Variants in AKR1C2 observed in about 807,000 individuals in gnomAD.
AKR1C2 encodes aldo-keto reductase family 1 member C2.
AKR1C2 carries 27 observed loss-of-function variants against 39.8 expected under a neutral mutation model. The observed-to-expected ratio is 0.68, with a 90% CI of 0.50 to 0.93. The LOEUF (loss-of-function observed/expected upper bound fraction) is 0.93. AKR1C2 is among the 40% of genes least tolerant of loss of function. The probability of loss-of-function intolerance (pLI) is 0.00; values close to 1 mark genes in which losing one functional copy is unlikely to be tolerated. For synonymous variants in AKR1C2, 114 were observed against 137.9 expected, an observed-to-expected ratio of 0.83 and a Z score of 1.22; for missense variants, 263 against 365.1, an observed-to-expected ratio of 0.72 and a Z score of 2.28.
chr10:5,008,993 T>C (rs1314774491), upstream of AKR1C2, among the ~76,000 whole-genome samples: 1 of 152,120 alleles, frequency 6.6e-6, no homozygotes, highest in Non-Finnish European at 1.5e-5. Flanking sequence ...TGTGAGAGGC[T>C]GTGGAAGCTC....
chr10:4,995,598 C>T (rs1564328335), intron 6 of AKR1C2, 114 bp from the exon 7 acceptor site: 9 of 1,423,174 alleles, frequency 6.3e-6, no homozygotes, highest in South Asian at 1.4e-5. Flanking sequence ...GCGAGGCCCC[C>T]GAACAGCAGC....
chr10:5,008,672 A>G (rs1406679831), upstream of AKR1C2, among the ~76,000 whole-genome samples: 1 of 152,240 alleles, frequency 6.6e-6, no homozygotes, highest in Admixed American at 6.5e-5. Context: ...GGAAGATGGA[A>G]GATCAGGGAG....
rs571458560 is a variant in AKR1C2, at chr10:5,010,988, G to C, written c.-88+6912C>G. Among the ~76,000 whole-genome samples the C allele has an allele frequency of 5.4e-5, 8 of 147,542 alleles. No homozygotes were observed. In the Admixed American group the frequency reaches 5.5e-4, roughly 10 times the overall value. ...TAAGATTTCAAAAACACAAATGAGA[G>C]AATAGGAAGAGATGCATATGACTTA... On this transcript the variant is annotated intron_variant, in intron 1 of 6. Coordinates refer to the AKR1C2 transcript ENST00000604507.
chr10:5,014,196 G>A (rs60849543), intron 1 of AKR1C2, among the ~76,000 whole-genome samples: 123,148 of 147,238 alleles, frequency 0.84, 51,517 homozygotes, highest in African/African-American at 0.91. Context: ...TCAAAAACAT[G>A]TTTTAGTTTC....
At chr10:5,008,715 A>G (rs567155984), upstream of AKR1C2, among the ~76,000 whole-genome samples, 45 of 152,322 alleles carry the variant, frequency 3.0e-4, no homozygotes, top group African/African-American at 8.4e-4. Flanking sequence ...GTCATACATA[A>G]AGAACACTCA....
chr10:4,991,286 C>T (rs1487441658), intron 8 of AKR1C2, among the ~76,000 whole-genome samples: 1 of 151,532 alleles, frequency 6.6e-6, no homozygotes, highest in Non-Finnish European at 1.5e-5. Flanking sequence ...GTATTTGGCT[C>T]ATGGGCAAAC....
chr10:5,000,545 C>T lies in AKR1C2; in HGVS notation c.369+5G>A, dbSNP rs1240587651. 1 of 1,613,690 alleles carries T rather than the reference C, an allele frequency of 6.2e-7. No homozygotes were observed. Among genetic ancestry groups the T allele is most frequent in the Non-Finnish European group, 8.5e-7 (1 of 1,179,672 alleles). On this transcript the variant is annotated splice_donor_5th_base_variant and intron_variant, in intron 3 of 8. Transcript: ENST00000380753. Reference sequence around the variant, plus strand: ...GAAATTAATTTGATCACACAAGCTGCCTACCTTTACAGACACTGGAAAATG... The same window carrying T: ...GAAATTAATTTGATCACACAAGCTGTCTACCTTTACAGACACTGGAAAATG...
intron 7 of AKR1C2, among the ~76,000 whole-genome samples, chr10:4,993,467 A>G (rs558153429): frequency 6.6e-5 from 10 of 152,306 alleles, no homozygotes; most frequent in African/African-American, 2.4e-4. Context: ...CTTATTTCAC[A>G]TAATATTTTA....
At chr10:5,009,039 T>G (rs1362286116) in intron 1 of AKR1C2, among the ~76,000 whole-genome samples, 3 of 152,074 alleles carry the variant, frequency 2.0e-5, no homozygotes, top group Non-Finnish European at 4.4e-5. Context: ...AATGGTGGGA[T>G]GCCAAAAGCC....
intron 8 of AKR1C2, among the ~76,000 whole-genome samples, chr10:4,991,212 C>T (rs1343074956): frequency 6.6e-6 from 1 of 151,484 alleles, no homozygotes; most frequent in Admixed American, 6.6e-5. Context: ...CTCCATATTG[C>T]AGAACACCAA....
At position 4,993,132 on chromosome 10, in the gene AKR1C2, A is replaced by G. The variant is rs529491695; in HGVS notation, c.847-1219T>C. Among the ~76,000 whole-genome samples the G allele has an allele frequency of 2.6e-5, 4 of 152,354 alleles. No individual in the cohort carries two copies. In the East Asian group the frequency reaches 5.8e-4, roughly 22 times the overall value. ...CTTATTACAATGTCAATGAGAGACT[A>G]AAACATTTACTTGCCTGTGGAAGTT... On this transcript the variant is annotated intron_variant, in intron 7 of 8. Transcript: ENST00000380753.
intron 5 of AKR1C2, among the ~76,000 whole-genome samples, chr10:4,996,817 G>T (rs2131686357): frequency 6.6e-6 from 1 of 151,714 alleles, no homozygotes; most frequent in South Asian, 2.1e-4. Flanking sequence ...TTAAATGTCA[G>T]GTAAGAATAG....
At chr10:5,009,313 T>G (rs1282496462) in intron 1 of AKR1C2, among the ~76,000 whole-genome samples, 1 of 151,918 alleles carries the variant, frequency 6.6e-6, no homozygotes, top group Non-Finnish European at 1.5e-5. Context: ...ACCGAGCACT[T>G]TTTGAGACGT....
In AKR1C2 at chr10:5,000,680, A is replaced by G. The variant is rs781932611; in HGVS notation, c.253-14T>C. ...ATTGCTCCAAAGCTGCAGAGGTTAGAGAAACGAAGTTGTGTAATGAAAACT... is the reference window on the plus strand; with the variant it reads ...ATTGCTCCAAAGCTGCAGAGGTTAGGGAAACGAAGTTGTGTAATGAAAACT... On this transcript the variant is annotated splice_polypyrimidine_tract_variant and intron_variant, in intron 2 of 8. Transcript: ENST00000380753. 45 of 1,605,472 alleles carry G rather than the reference A, an allele frequency of 2.8e-5. No individual in the cohort carries two copies. The highest frequency in any genetic ancestry group is 3.5e-5 in the Non-Finnish European group (41 of 1,176,940).
At chr10:4,991,111 G>C (rs10904384) in intron 8 of AKR1C2, among the ~76,000 whole-genome samples, 44,107 of 150,792 alleles carry the variant, frequency 0.29, 7,566 homozygotes, top group East Asian at 0.63. Flanking sequence ...GTAAACGTCT[G>C]TTACTGGTTA....
intron 7 of AKR1C2, among the ~76,000 whole-genome samples, chr10:4,994,382 A>C (rs1836957851): frequency 1.3e-5 from 2 of 152,280 alleles, no homozygotes; most frequent in South Asian, 4.1e-4. Context: ...CCCTGTGTCC[A>C]CTTGCTTGGC....
chr10:4,994,284 T>C (rs1554772617), intron 7 of AKR1C2, among the ~76,000 whole-genome samples: 1 of 152,034 alleles, frequency 6.6e-6, no homozygotes, highest in Non-Finnish European at 1.5e-5. Context: ...TATATTCATA[T>C]TCATACATAT....
rs1204008823 is a variant in AKR1C2, at chr10:5,003,857, C to G, written c.-22G>C. The G allele has an allele frequency of 6.2e-7, 1 of 1,613,786 alleles. No homozygotes were observed. The highest frequency in any genetic ancestry group is 8.5e-7 in the Non-Finnish European group (1 of 1,179,856). On this transcript the variant is annotated 5_prime_UTR_variant, in exon 1 of 9. Coordinates refer to ENST00000380753, the MANE Select transcript of AKR1C2 (RefSeq NM_001393392.1). ...CCATTTCTGTCACTGGCCTGGTTAG[C>G]AAATGTTTCTTCCTCCCTCACAGGC...
chr10:5,013,550 A>C, intron 1 of AKR1C2: 1 of 195,706 alleles, frequency 5.1e-6, no homozygotes, highest in Non-Finnish European at 1.1e-5. Context: ...GATCAGTTCC[A>C]GCAGTTAGTG....
Sources: allele counts gnomAD v4.1 joint callset (sites outside exome capture counted in the v4.1 genomes callset), GRCh38; gene constraint gnomAD v4.1.1; transcripts MANE v1.5; gene names NCBI Gene and HGNC (gene_info 2026-07-23, HGNC 2026-07-21).